WDR7: variants seen among roughly 807,000 people sequenced by gnomAD.
WDR7 encodes WD repeat domain 7.
WDR7 carries 46 observed loss-of-function variants against 169.4 expected under a neutral mutation model. That is an observed-to-expected ratio of 0.27 (90% CI 0.21 to 0.35). The LOEUF (loss-of-function observed/expected upper bound fraction) is 0.35. Among genes scored for constraint, WDR7 ranks in the 10% least tolerant of loss-of-function variants. The probability of loss-of-function intolerance (pLI) is 1.00; values close to 1 mark genes in which losing one functional copy is unlikely to be tolerated. For synonymous variants in WDR7, 612 were observed against 666.8 expected (o/e 0.92, Z 1.27); for missense variants, 1,534 against 1,859.3 (o/e 0.83, Z 3.22).
chr18:56,654,455 T>C (rs1482167388), intron 1 of WDR7, among the ~76,000 whole-genome samples: 8 of 152,242 alleles, frequency 5.3e-5, no homozygotes, highest in African/African-American at 1.9e-4. Flanking sequence ...TTCATGTGTG[T>C]TTTATCTTTT....
At chr18:56,908,266 T>C (rs1218823697) in intron 21 of WDR7, among the ~76,000 whole-genome samples, 2 of 152,194 alleles carry the variant, frequency 1.3e-5, no homozygotes, top group African/African-American at 2.4e-5. Flanking sequence ...TTTGGAATAT[T>C]GGTTTGCCTT....
chr18:56,829,071 C>A (rs1243909941), intron 20 of WDR7, among the ~76,000 whole-genome samples: 1 of 150,404 alleles, frequency 6.6e-6, no homozygotes, highest in Non-Finnish European at 1.5e-5. Flanking sequence ...TAGCTTCAGA[C>A]CAGGGGTTCA....
chr18:57,007,885 A>G (rs1001108162), intron 26 of WDR7, among the ~76,000 whole-genome samples: 1 of 152,176 alleles, frequency 6.6e-6, no homozygotes, highest in East Asian at 1.9e-4. Context: ...GGATTTTTTA[A>G]CAAACATTCC....
At chr18:56,836,935 AAT>A (rs2045406069) in intron 20 of WDR7, among the ~76,000 whole-genome samples, 1 of 152,228 alleles carries the variant, frequency 6.6e-6, no homozygotes, top group Non-Finnish European at 1.5e-5. Flanking sequence ...TCACTCATTG[AAT>A]ATCTTATATT....
chr18:56,804,908 G>A lies in WDR7; in HGVS notation c.3191-11123G>A, dbSNP rs960887377. Among the ~76,000 whole-genome samples the A allele has an allele frequency of 2.6e-5, 4 of 152,104 alleles. No individual in the cohort carries two copies. The East Asian group carries it at 7.7e-4, about 29-fold the overall frequency. Reference sequence around the variant, plus strand: ...GTCAATGTTGTGATAATGCACTTTCGTAGCGTCAAATTTCTGATGTTTAAG... The same window carrying A: ...GTCAATGTTGTGATAATGCACTTTCATAGCGTCAAATTTCTGATGTTTAAG... On this transcript the variant is annotated intron_variant, in intron 19 of 27. Coordinates refer to ENST00000254442, the MANE Select transcript of WDR7 (RefSeq NM_015285.3).
At chr18:56,738,912 T>G (rs562259759) in intron 14 of WDR7, among the ~76,000 whole-genome samples, 1 of 150,794 alleles carries the variant, frequency 6.6e-6, no homozygotes, top group South Asian at 2.1e-4. Flanking sequence ...TCTTTTTTGG[T>G]AACTCAGTGC....
intron 26 of WDR7, among the ~76,000 whole-genome samples, chr18:56,978,827 T>G (rs1264141928): frequency 2.0e-5 from 3 of 152,188 alleles, no homozygotes; most frequent in Non-Finnish European, 4.4e-5. Context: ...TACGTTTCTA[T>G]AGCATGCCCG....
rs765335868 is a variant in WDR7, at chr18:56,816,087, C to T, written c.3247C>T (p.Pro1083Ser). The T allele has an allele frequency of 6.2e-7, 1 of 1,613,762 alleles. No individual in the cohort carries two copies. Among genetic ancestry groups the T allele is most frequent in the Non-Finnish European group, 8.5e-7 (1 of 1,179,886 alleles). ...TITTAPDASG[P>S]EAKVQEEEHD... ...CACCACGGCTCCTGATGCCTCAGGG[C>T]CTGAAGCAAAAGTCCAGGAGGAAGA... The change falls in exon 20 of 28, where the codon CCT (proline) becomes TCT (serine). Residue 1083 changes from proline (P) to serine (S), a missense_variant. Physicochemically the swap from Pro to Ser is moderately conservative, Grantham distance 74. Transcript: ENST00000254442.
chr18:56,794,490 T>C (rs1268180615), intron 19 of WDR7, among the ~76,000 whole-genome samples: 1 of 151,682 alleles, frequency 6.6e-6, no homozygotes. Context: ...TTTCTATTTT[T>C]AGTAGAGAAG....
Position 57,026,984 on chromosome 18 carries a change from G to A in WDR7, c.4270-20G>A, listed in dbSNP as rs376983582. 5 of 1,608,862 alleles carry A rather than the reference G, an allele frequency of 3.1e-6. No individual in the cohort carries two copies. Among genetic ancestry groups the A allele is most frequent in the Non-Finnish European group, 4.2e-6 (5 of 1,177,140 alleles). On this transcript the variant is annotated intron_variant, in intron 27 of 27. Coordinates refer to ENST00000254442, the MANE Select transcript of WDR7 (RefSeq NM_015285.3). ...GGAGAGGGCTGTTCAAGTGACACAT[G>A]TGCTCTCCTGTCCCTCCAGATGAAC...
At chr18:56,674,616 C>CGGTT (rs2025204887) in intron 2 of WDR7, among the ~76,000 whole-genome samples, 4 of 151,994 alleles carry the variant, frequency 2.6e-5, no homozygotes, top group African/African-American at 9.7e-5. Flanking sequence ...CCCATTTTAT[C>CGGTT]AGTTGTTTTT....
chr18:56,856,034 G>A (rs1408692357), intron 20 of WDR7, among the ~76,000 whole-genome samples: 3 of 152,116 alleles, frequency 2.0e-5, no homozygotes, highest in Non-Finnish European at 2.9e-5. Flanking sequence ...GGAAACACCG[G>A]GTGAGGGATG....
intron 26 of WDR7, among the ~76,000 whole-genome samples, chr18:56,979,365 C>G (rs2047610162): frequency 6.6e-6 from 1 of 152,278 alleles, no homozygotes; most frequent in East Asian, 1.9e-4. Flanking sequence ...TGCTAAACCA[C>G]CCAGCCAGAA....
At chr18:56,945,251 G>A (rs1283875654) in intron 25 of WDR7, among the ~76,000 whole-genome samples, 2 of 152,166 alleles carry the variant, frequency 1.3e-5, no homozygotes, top group Non-Finnish European at 2.9e-5. Context: ...CCATACATTT[G>A]TGTCTAAACT....
chr18:56,797,334 C>T (rs752665879), intron 19 of WDR7, among the ~76,000 whole-genome samples: 12 of 152,162 alleles, frequency 7.9e-5, no homozygotes, highest in Non-Finnish European at 1.6e-4. Flanking sequence ...ACATTTGGAC[C>T]TGTAAAAAGG....
intron 16 of WDR7, among the ~76,000 whole-genome samples, chr18:56,764,404 T>C (rs539076730): frequency 3.1e-4 from 47 of 152,242 alleles, no homozygotes; most frequent in African/African-American, 9.9e-4. Flanking sequence ...TTTCAATTGA[T>C]TGTGTTTATA....
chr18:56,805,997 T>G (rs1453172718), intron 19 of WDR7, among the ~76,000 whole-genome samples: 4 of 152,198 alleles, frequency 2.6e-5, no homozygotes, highest in African/African-American at 9.7e-5. Flanking sequence ...CTTCACCTAG[T>G]GTCATTTCTT....
intron 26 of WDR7, among the ~76,000 whole-genome samples, chr18:57,014,846 A>AT (rs35031273): frequency 0.029 from 4,234 of 147,212 alleles, 202 homozygotes; most frequent in African/African-American, 0.097. Flanking sequence ...AGTCACTGGG[A>AT]TTTTTTTTTT....
intron 25 of WDR7, chr18:56,957,548 G>T (rs1387865842): frequency 6.6e-6 from 1 of 151,780 alleles, no homozygotes; most frequent in East Asian, 1.9e-4. Context: ...CTGTTAGTGG[G>T]TGTGAAACAT....
Sources: gnomAD v4.1 joint callset for allele counts (sites outside exome capture counted in the v4.1 genomes callset) on GRCh38, gnomAD v4.1.1 for gene constraint, MANE v1.5 for transcripts, NCBI Gene and HGNC (gene_info 2026-07-23, HGNC 2026-07-21) for gene names.